STIL: variants seen among roughly 807,000 people sequenced by gnomAD.
STIL encodes the protein STIL centriolar assembly protein.
Under a neutral mutation model 110.1 loss-of-function variants are expected in STIL, and 55 were observed. The ratio of observed to expected loss-of-function variants is 0.50; its 90% CI spans 0.40 to 0.63. The LOEUF is 0.63. Ranked by LOEUF, STIL falls within the 20% of genes least tolerant of loss-of-function variation. The pLI, the probability that STIL is intolerant of heterozygous loss-of-function variation, is 0.00. For missense variants in STIL, 1,358 were observed against 1,530.0 expected (o/e 0.89, Z 1.87); for synonymous variants, 481 against 530.0 (o/e 0.91, Z 1.27).
intron 9 of STIL, among the ~76,000 whole-genome samples, chr1:47,288,917 C>T (rs551620970): frequency 2.1e-5 from 3 of 142,430 alleles, no homozygotes; most frequent in Non-Finnish European, 4.6e-5. Context: ...AAAAAAATAG[C>T]CAGGTGTGAT....
intron 15 of STIL, among the ~76,000 whole-genome samples, chr1:47,261,195 C>G (rs1411413165): frequency 6.6e-6 from 1 of 151,772 alleles, no homozygotes; most frequent in African/African-American, 2.4e-5. Flanking sequence ...CAAGACCAGC[C>G]TAGCCAACAT....
intron 11 of STIL, among the ~76,000 whole-genome samples, chr1:47,281,642 T>C (rs1645161027): frequency 6.6e-6 from 1 of 152,170 alleles, no homozygotes; most frequent in Non-Finnish European, 1.5e-5. Flanking sequence ...TTCCAATAAA[T>C]GTTTCAAAAT....
chr1:47,309,979 C>T (rs957397827), intron 2 of STIL, among the ~76,000 whole-genome samples: 2 of 152,068 alleles, frequency 1.3e-5, no homozygotes, highest in African/African-American at 2.4e-5. Context: ...GAAGGAGGGA[C>T]GGAACTAGTA....
At chr1:47,254,833 C>T (rs1644286183) in intron 16 of STIL, among the ~76,000 whole-genome samples, 3 of 152,170 alleles carry the variant, frequency 2.0e-5, no homozygotes, top group African/African-American at 7.2e-5. Flanking sequence ...CCATGCCCAG[C>T]CTCTTAATTT....
At chr1:47,255,871 A>G (rs1644314418) in intron 16 of STIL, among the ~76,000 whole-genome samples, 1 of 152,174 alleles carries the variant, frequency 6.6e-6, no homozygotes, top group African/African-American at 2.4e-5. Context: ...TAACAGGAAA[A>G]TAGAAAGCAG....
rs200336457 is a variant in STIL, at chr1:47,272,249, A to G, written c.2218-8T>C. ...TTCCAACAAACGCTGAATCTGTATCAATTAAAAACATACTTTAAACTGACA... is the reference window on the plus strand; with the variant it reads ...TTCCAACAAACGCTGAATCTGTATCGATTAAAAACATACTTTAAACTGACA... On this transcript the variant is annotated splice_polypyrimidine_tract_variant and splice_region_variant and intron_variant, in intron 12 of 16. Transcript: ENST00000371877. 55 of 1,614,128 alleles carry G rather than the reference A, an allele frequency of 3.4e-5. No homozygotes were observed. The highest frequency in any genetic ancestry group is 4.4e-5 in the Non-Finnish European group (52 of 1,180,014).
chr1:47,295,940 G>A, intron 6 of STIL, 92 bp from the exon 7 acceptor site: 2 of 946,480 alleles, frequency 2.1e-6, no homozygotes, highest in Non-Finnish European at 3.4e-6. Context: ...CTTTAGAAAG[G>A]GGAGATAATT....
At chr1:47,283,890 C>CTTTT (rs1181927349) in intron 10 of STIL, 1 of 81,164 alleles carries the variant, frequency 1.2e-5, no homozygotes, top group Non-Finnish European at 2.4e-5. Context: ...CATTTCTTAG[C>CTTTT]TTTTTTTTTT....
chr1:47,288,600 A>G (rs1255584814), intron 9 of STIL, among the ~76,000 whole-genome samples: 5 of 152,004 alleles, frequency 3.3e-5, no homozygotes, highest in African/African-American at 1.2e-4. Context: ...CCTGGCCTAA[A>G]GATCTACTTT....
chr1:47,308,250 C>T (rs571402708), intron 2 of STIL, among the ~76,000 whole-genome samples: 34 of 152,152 alleles, frequency 2.2e-4, no homozygotes, highest in African/African-American at 7.7e-4. Flanking sequence ...ATCCTACCAA[C>T]GTGTGATGTC....
chr1:47,306,410 C>T (rs1645963388), intron 2 of STIL, among the ~76,000 whole-genome samples: 4 of 151,966 alleles, frequency 2.6e-5, no homozygotes, highest in Admixed American at 6.6e-5. Context: ...TGCACCACCA[C>T]GTGAGATTTA....
At chr1:47,264,930 T>A (rs376226110) in intron 14 of STIL, among the ~76,000 whole-genome samples, 36 of 128,802 alleles carry the variant, frequency 2.8e-4, no homozygotes, top group Admixed American at 4.1e-4. Flanking sequence ...TTTCTAAAGT[T>A]AAAAAAAAAA....
chr1:47,282,160 T>C (rs1483554362), intron 11 of STIL, among the ~76,000 whole-genome samples, 185 bp downstream of exon 11: 7 of 152,048 alleles, frequency 4.6e-5, no homozygotes, highest in Non-Finnish European at 1.0e-4. Context: ...ACATATAATA[T>C]GAATTATTAT....
rs1407472799 is a variant in STIL, at chr1:47,251,184, G to A, written c.3819C>T (p.Gly1273=). Residue 1273 remains glycine, a synonymous_variant, in exon 17 of 17, where the codon GGC becomes GGT. Transcript: ENST00000371877. The part of the protein sequence containing the change: ...LKQMNSMNSV[G]TFLDVKRLRQ... Reference sequence around the variant, plus strand: ...TGAGACGTTTTACATCTAAGAAGGTGCCTACTGAATTCATGCTATTCATCT... The same window carrying A: ...TGAGACGTTTTACATCTAAGAAGGTACCTACTGAATTCATGCTATTCATCT... 4.3e-6 allele frequency: 7 copies of A among 1,613,006 alleles called. No individual in the cohort carries two copies. The highest frequency in any genetic ancestry group is 1.3e-5 in the African/African-American group (1 of 74,852).
At chr1:47,282,571 T>C in intron 10 of STIL, 112 bp from the exon 11 acceptor site, 2 of 692,052 alleles carry the variant, frequency 2.9e-6, no homozygotes, top group Non-Finnish European at 5.2e-6. Context: ...GATCATTTAA[T>C]TTAGTATCTG....
rs1358054862 is a variant in STIL, at chr1:47,310,380, A to G, written c.-43-18T>C. 6.9e-7 allele frequency: 1 copy of G among 1,439,152 alleles called. No individual in the cohort carries two copies. Among genetic ancestry groups the G allele is most frequent in the Non-Finnish European group, 9.7e-7 (1 of 1,030,102 alleles). 89.1% of individuals were successfully genotyped at this position (1,439,152 alleles called of 1,614,324 possible). A position where few individuals can be genotyped will look rare whatever the true frequency, so the allele number is the denominator to read the frequency against. ...TCAGTATCCTAAAGAATTAAAGAGAATATTACTAATGAATGATAAAAACAA... is the reference window on the plus strand; with the variant it reads ...TCAGTATCCTAAAGAATTAAAGAGAGTATTACTAATGAATGATAAAAACAA... On this transcript the variant is annotated intron_variant, in intron 1 of 16. Transcript: ENST00000371877.
intron 14 of STIL, among the ~76,000 whole-genome samples, chr1:47,265,260 A>AAAAAAAAAAAAAAAAAAAAAAAAAAAAC (rs1553170532): frequency 2.0e-5 from 3 of 148,320 alleles, no homozygotes; most frequent in South Asian, 2.1e-4. Context: ...AAAAAAAAAA[A>AAAAAAAAAAAAAAAAAAAAAAAAAAAAC]CACAAGATTG....
rs1023016509 is a variant in STIL, at chr1:47,280,714, C to G, written c.1744G>C (p.Gly582Arg). The change falls in exon 12 of 17, where the codon GGA (glycine) becomes CGA (arginine). Residue 582 changes from glycine to arginine, a missense_variant. Gly to Arg is a moderately radical substitution (Grantham distance 125, BLOSUM62 -2). Transcript: ENST00000371877. ...GGTATCTGAAGTTCCATTGGTCTTC[C>G]TGAATTATGGGGTGAAAAAACAAAA... ...HDFVFSPHNS[G>R]RPMELQIPTP... 1.2e-6 allele frequency: 2 copies of G among 1,614,098 alleles called. No individual in the cohort carries two copies. The highest frequency in any genetic ancestry group is 1.7e-6 in the Non-Finnish European group (2 of 1,180,028).
At chr1:47,271,924 G>T in intron 13 of STIL, 152 bp downstream of exon 13, 1 of 746,140 alleles carries the variant, frequency 1.3e-6, no homozygotes, top group Non-Finnish European at 2.2e-6. Flanking sequence ...ATTTCACAAA[G>T]ACTAAAATCA....
Sources: allele counts gnomAD v4.1 joint callset (sites outside exome capture counted in the v4.1 genomes callset), GRCh38; gene constraint gnomAD v4.1.1; transcripts MANE v1.5; gene names NCBI Gene and HGNC (gene_info 2026-07-23, HGNC 2026-07-21).